Variants in WDR37 observed in about 807,000 individuals in gnomAD.
WDR37 encodes the protein WD repeat domain 37, also known as WD repeat-containing protein 37.
WDR37 carries 19 observed loss-of-function variants against 62.9 expected under a neutral mutation model. That is an observed-to-expected ratio of 0.30 (90% CI 0.21 to 0.44). WDR37 has a LOEUF of 0.44. Ranked by LOEUF, WDR37 falls within the 20% of genes least tolerant of loss-of-function variation. The pLI is 1.00. For synonymous variants in WDR37, 250 were observed against 260.9 expected (o/e 0.96, Z 0.40); for missense variants, 474 against 657.6 (o/e 0.72, Z 3.05).
rs551395012 is a variant in WDR37 at position 1,067,014 on chromosome 10, C to T, written c.-40-5102C>T. Among the ~76,000 whole-genome samples the T allele has an allele frequency of 3.9e-5, 6 of 152,202 alleles. No homozygotes were observed. In the South Asian group the frequency reaches 1.2e-3, roughly 31 times the overall value. On this transcript the variant is annotated intron_variant, in intron 1 of 13. Coordinates refer to ENST00000263150, the MANE Select transcript of WDR37 (RefSeq NM_014023.4). Reference sequence around the variant, plus strand: ...CAGTTACCTCCCACTGGGTCCCTCCCACAACACATTGGAATTCAAGATGAG... The same window carrying T: ...CAGTTACCTCCCACTGGGTCCCTCCTACAACACATTGGAATTCAAGATGAG...
rs2131705147 is a variant in WDR37, at chr10:1,131,630, C to CA, written c.*2287dup. On this transcript the variant is annotated 3_prime_UTR_variant, in exon 14 of 14. Transcript: ENST00000263150. ...GCTGTGTCGTCTTCTAATGTGAGCT[C>CA]ATCCACTGCTGCTGCAGCGTGGTGA... The CA allele has an allele frequency of 6.6e-6, 1 of 152,448 alleles. No individual in the cohort carries two copies. The highest frequency in any genetic ancestry group is 2.1e-4 in the South Asian group (1 of 4,834). 9.4% of individuals were successfully genotyped at this position (152,448 alleles called of 1,614,324 possible).
At chr10:1,126,293 C>A (rs1835757709) in intron 13 of WDR37, among the ~76,000 whole-genome samples, 1 of 151,552 alleles carries the variant, frequency 6.6e-6, no homozygotes, top group Non-Finnish European at 1.5e-5. Flanking sequence ...GTAGTCCCAG[C>A]TACTCGGGAG....
intron 11 of WDR37, among the ~76,000 whole-genome samples, chr10:1,107,430 A>G (rs1002531027): frequency 6.6e-6 from 1 of 152,254 alleles, no homozygotes; most frequent in African/African-American, 2.4e-5. Flanking sequence ...GTGCTTTCCT[A>G]AGCTTTTTGC....
intron 1 of WDR37, among the ~76,000 whole-genome samples, chr10:1,070,162 C>T (rs1468213175): frequency 1.4e-5 from 2 of 147,698 alleles, no homozygotes; most frequent in Non-Finnish European, 1.5e-5. Flanking sequence ...GAGCTGAGAT[C>T]GTGCAACTCC....
chr10:1,080,547 T>A (rs1833996406), intron 5 of WDR37, 71 bp downstream of exon 5: 2 of 1,524,356 alleles, frequency 1.3e-6, no homozygotes, highest in African/African-American at 1.4e-5. Context: ...TTAAGTTGTT[T>A]ATTTTCCAAT....
chr10:1,122,237 G>A (rs186469953), intron 11 of WDR37, among the ~76,000 whole-genome samples: 1 of 152,292 alleles, frequency 6.6e-6, no homozygotes, highest in East Asian at 1.9e-4. Flanking sequence ...CATTAAATTA[G>A]TGATTTGTGA....
At position 1,086,369 on chromosome 10, in the gene WDR37, C is replaced by G. The variant is rs890178352; in HGVS notation, c.604+12C>G. On this transcript the variant is annotated intron_variant, in intron 7 of 13. Transcript: ENST00000263150. ...CCACGTGGGCTCAGGTAAGCACTGCCTAAGGAGTGCCGTAGCCAGAGGCCG... is the reference window on the plus strand; with the variant it reads ...CCACGTGGGCTCAGGTAAGCACTGCGTAAGGAGTGCCGTAGCCAGAGGCCG... 8 of 1,609,960 alleles carry G rather than the reference C, an allele frequency of 5.0e-6. No individual in the cohort carries two copies. Among genetic ancestry groups the G allele is most frequent in the Non-Finnish European group, 6.8e-6 (8 of 1,176,596 alleles).
intron 11 of WDR37, among the ~76,000 whole-genome samples, chr10:1,117,307 A>G (rs1835432255): frequency 1.3e-5 from 2 of 152,154 alleles, no homozygotes; most frequent in African/African-American, 4.8e-5. Flanking sequence ...CTCTTGCCTC[A>G]GCCTCCAAAG....
At chr10:1,089,271 GTT>G (rs1564503085) in intron 7 of WDR37, among the ~76,000 whole-genome samples, 4 of 152,028 alleles carry the variant, frequency 2.6e-5, no homozygotes, top group African/African-American at 9.7e-5. Context: ...TCCAGCCTCA[GTT>G]CCTGTCACGG....
In WDR37 at chr10:1,078,053, T is replaced by G. The variant is rs778819643; in HGVS notation, c.235+50T>G. On this transcript the variant is annotated intron_variant, in intron 3 of 13. Coordinates refer to ENST00000263150, the MANE Select transcript of WDR37 (RefSeq NM_014023.4). ...CTTTTATAGCTTTACCTATCCATAG[T>G]CAAATTTATGAATAGACATTCATCA... 30 of 1,401,066 alleles carry G rather than the reference T, an allele frequency of 2.1e-5. No homozygotes were observed. The Admixed American group carries it at 5.3e-4, about 25-fold the overall frequency. The allele number at this position is 1,401,066 out of a possible 1,614,324, so 86.8% of individuals were successfully genotyped here.
chr10:1,112,699 T>G (rs1262954968), intron 11 of WDR37, among the ~76,000 whole-genome samples: 3 of 152,230 alleles, frequency 2.0e-5, no homozygotes, highest in Non-Finnish European at 2.9e-5. Flanking sequence ...GAAGGAACTT[T>G]GAGTGGTCTG....
chr10:1,102,361 T>C lies in WDR37; in HGVS notation c.727-1241T>C, dbSNP rs893547859. On this transcript the variant is annotated intron_variant, in intron 9 of 13. Coordinates refer to ENST00000263150, the MANE Select transcript of WDR37 (RefSeq NM_014023.4). ...TTCCCTAGTAATGTATATGTGCTCA[T>C]GACGTGCCTGTGTTAGGCCATTCTT... 4.0e-5 allele frequency among the ~76,000 whole-genome samples: 6 copies of C among 151,618 alleles called. No individual in the cohort carries two copies. In the East Asian group the frequency reaches 1.2e-3, roughly 29 times the overall value.
intron 1 of WDR37, among the ~76,000 whole-genome samples, chr10:1,060,094 C>T (rs1024528653): frequency 2.0e-5 from 3 of 152,220 alleles, no homozygotes. Flanking sequence ...CTGCCTGGGC[C>T]TCCCAAAAGG....
At chr10:1,094,224 T>G (rs971165184) in intron 8 of WDR37, among the ~76,000 whole-genome samples, 1 of 152,242 alleles carries the variant, frequency 6.6e-6, no homozygotes, top group African/African-American at 2.4e-5. Context: ...GTTCTGCTCT[T>G]GCAGCCTAAA....
At chr10:1,094,958 G>A (rs1389850324) in intron 8 of WDR37, among the ~76,000 whole-genome samples, 5 of 151,996 alleles carry the variant, frequency 3.3e-5, no homozygotes, top group Non-Finnish European at 5.9e-5. Flanking sequence ...TGGGCATAGA[G>A]AAGGGAGAGT....
chr10:1,080,025 G>T lies in WDR37; in HGVS notation c.250G>T (p.Asp84Tyr). The change falls in exon 4 of 14, where the codon GAC becomes TAC. Residue 84 changes from aspartate to tyrosine, a missense_variant. By Grantham distance (160) the Asp-to-Tyr change is radical. Coordinates refer to ENST00000263150, the MANE Select transcript of WDR37 (RefSeq NM_014023.4). ...IENLELRREI[D>Y]TLNERLAAEG... ...TTTCTTCCCAGTACGTAGAGAAATC[G>T]ACACTCTTAATGAACGTTTAGCTGC... 1.2e-6 allele frequency: 2 copies of T among 1,613,872 alleles called. No individual in the cohort carries two copies. Among genetic ancestry groups the T allele is most frequent in the South Asian group, 2.2e-5 (2 of 91,018 alleles).
intron 9 of WDR37, among the ~76,000 whole-genome samples, chr10:1,101,427 A>G (rs533283889): frequency 1.2e-4 from 19 of 152,300 alleles, no homozygotes; most frequent in Non-Finnish European, 2.6e-4. Context: ...TGTCAGTCCT[A>G]TTGGAATAGG....
intron 11 of WDR37, among the ~76,000 whole-genome samples, chr10:1,107,132 T>A (rs1368584516): frequency 6.6e-6 from 1 of 152,236 alleles, no homozygotes; most frequent in Non-Finnish European, 1.5e-5. Context: ...CACATGGGCC[T>A]GACCCCGCTG....
chr10:1,123,286 T>C (rs1835643442), intron 11 of WDR37, among the ~76,000 whole-genome samples: 1 of 152,260 alleles, frequency 6.6e-6, no homozygotes, highest in African/African-American at 2.4e-5. Context: ...TGAAACTTAC[T>C]ATTTTAACTG....
Sources: allele counts gnomAD v4.1 joint callset (sites outside exome capture counted in the v4.1 genomes callset), GRCh38; gene constraint gnomAD v4.1.1; transcripts MANE v1.5; gene names NCBI Gene and HGNC (gene_info 2026-07-23, HGNC 2026-07-21).